MACROD2: variants seen among roughly 807,000 people sequenced by gnomAD.
MACROD2 encodes mono-ADP ribosylhydrolase 2, also known as ADP-ribose glycohydrolase MACROD2.
MACROD2 carries 36 observed loss-of-function variants against 70.4 expected under a neutral mutation model. The ratio of observed to expected loss-of-function variants is 0.51; its 90% CI spans 0.39 to 0.68. MACROD2 has a LOEUF of 0.68. Among genes scored for constraint, MACROD2 ranks in the 30% least tolerant of loss-of-function variants. The probability of loss-of-function intolerance (pLI) is 0.00; values close to 1 mark genes in which losing one functional copy is unlikely to be tolerated. For missense variants in MACROD2, 496 were observed against 538.4 expected (o/e 0.92, Z 0.78); for synonymous variants, 172 against 178.8 (o/e 0.96, Z 0.30).
intron 8 of MACROD2, among the ~76,000 whole-genome samples, chr20:15,585,280 C>G (rs2048582908): frequency 6.6e-6 from 1 of 151,812 alleles, no homozygotes; most frequent in Non-Finnish European, 1.5e-5. Flanking sequence ...TCACTGCAAC[C>G]TCCGCCTCCT....
chr20:14,887,454 A>C (rs1018613265), intron 5 of MACROD2, among the ~76,000 whole-genome samples: 15 of 149,002 alleles, frequency 1.0e-4, no homozygotes, highest in Non-Finnish European at 1.9e-4. Flanking sequence ...GTGCAGTGGC[A>C]TGATGTCGGC....
chr20:14,328,034 T>G (rs1351112090), intron 3 of MACROD2, among the ~76,000 whole-genome samples: 1 of 152,066 alleles, frequency 6.6e-6, no homozygotes, highest in African/African-American at 2.4e-5. Flanking sequence ...GCAAAAACTA[T>G]ACAGGTGTAG....
At chr20:14,830,695 A>G (rs1263647331) in intron 5 of MACROD2, among the ~76,000 whole-genome samples, 1 of 152,162 alleles carries the variant, frequency 6.6e-6, no homozygotes, top group Non-Finnish European at 1.5e-5. Context: ...ACTAATAGGC[A>G]GGGAATTACT....
intron 6 of MACROD2, among the ~76,000 whole-genome samples, chr20:15,273,077 A>G (rs2077359556): frequency 6.6e-6 from 1 of 152,162 alleles, no homozygotes; most frequent in African/African-American, 2.4e-5. Flanking sequence ...ATTGGATTGA[A>G]GGATACAAGG....
At position 15,870,711 on chromosome 20, in the gene MACROD2, G is replaced by C. The variant is rs77340385; in HGVS notation, c.727+7885G>C. Among the ~76,000 whole-genome samples, 1,050 of 152,168 alleles carry C rather than the reference G, an allele frequency of 6.9e-3. 7 individuals carry two copies. The highest frequency in any genetic ancestry group is 0.023 in the African/African-American group (968 of 41,526). ...CAAAACTGTGAGCCAATACATTTCT[G>C]TTCATTACGTATTACCTAGTCTGGG... On this transcript the variant is annotated intron_variant, in intron 9 of 17. Coordinates refer to ENST00000684519, the MANE Select transcript of MACROD2 (RefSeq NM_001351661.2).
chr20:15,564,816 T>C (rs1384320333), intron 8 of MACROD2, among the ~76,000 whole-genome samples: 1 of 152,212 alleles, frequency 6.6e-6, no homozygotes, highest in Non-Finnish European at 1.5e-5. Flanking sequence ...ATTTTTCCCT[T>C]GAACAATGAC....
At chr20:15,758,237 CTTT>C (rs397793806) in intron 8 of MACROD2, among the ~76,000 whole-genome samples, 7 of 122,120 alleles carry the variant, frequency 5.7e-5, no homozygotes, top group African/African-American at 6.1e-5. Context: ...TCCTGTAATT[CTTT>C]TTTTTTTTTT....
chr20:15,874,085 GC>G (rs2064629549), intron 9 of MACROD2, among the ~76,000 whole-genome samples: 1 of 41,884 alleles, frequency 2.4e-5, no homozygotes, highest in South Asian at 8.1e-4. Flanking sequence ...CCCCCAACAG[GC>G]CCCAGTGTGT....
At chr20:14,896,739 A>G (rs1426501384) in intron 5 of MACROD2, among the ~76,000 whole-genome samples, 1 of 152,180 alleles carries the variant, frequency 6.6e-6, no homozygotes, top group African/African-American at 2.4e-5. Context: ...GTGAATTGAT[A>G]CAAACTTCAT....
At chr20:15,123,396 G>A (rs891477243) in intron 5 of MACROD2, among the ~76,000 whole-genome samples, 2 of 152,120 alleles carry the variant, frequency 1.3e-5, no homozygotes, top group South Asian at 2.1e-4. Flanking sequence ...CAATACTGTG[G>A]CCACTAGCCT....
intron 5 of MACROD2, among the ~76,000 whole-genome samples, chr20:14,705,974 AT>A (rs1487141977): frequency 6.6e-6 from 1 of 151,042 alleles, no homozygotes; most frequent in African/African-American, 2.4e-5. Flanking sequence ...ATTTTGTGAT[AT>A]TTTAAAAATT....
intron 3 of MACROD2, among the ~76,000 whole-genome samples, chr20:14,474,097 TA>T (rs1287149630): frequency 3.3e-5 from 5 of 152,246 alleles, no homozygotes; most frequent in Non-Finnish European, 5.9e-5. Flanking sequence ...AGCTGGCAAA[TA>T]TTTTTTTTCC....
intron 3 of MACROD2, among the ~76,000 whole-genome samples, chr20:14,277,305 A>G (rs6042644): frequency 0.64 from 97,307 of 151,976 alleles, 32,654 homozygotes; most frequent in Non-Finnish European, 0.75. Flanking sequence ...AAAATAAGCT[A>G]GGCATGGTGG....
At chr20:14,273,804 A>G (rs2082222625) in intron 3 of MACROD2, among the ~76,000 whole-genome samples, 1 of 149,690 alleles carries the variant, frequency 6.7e-6, no homozygotes, top group Non-Finnish European at 1.5e-5. Context: ...AAAAAATGAT[A>G]AAGGGGATAT....
intron 8 of MACROD2, among the ~76,000 whole-genome samples, chr20:15,713,987 GCACACACACACACACA>G (rs3071356): frequency 3.1e-4 from 36 of 117,784 alleles, no homozygotes; most frequent in East Asian, 1.7e-3. Flanking sequence ...ACACACATAT[GCACACACACACACACA>G]CACACACACA....
At chr20:14,901,707 T>C (rs1295683867) in intron 5 of MACROD2, among the ~76,000 whole-genome samples, 1 of 152,178 alleles carries the variant, frequency 6.6e-6, no homozygotes, top group Non-Finnish European at 1.5e-5. Flanking sequence ...CATAATTATT[T>C]TGGAAGACTT....
At chr20:15,232,694 T>G (rs2076969331) in intron 6 of MACROD2, among the ~76,000 whole-genome samples, 2 of 152,068 alleles carry the variant, frequency 1.3e-5, no homozygotes, top group South Asian at 4.1e-4. Context: ...TTGATATCTA[T>G]TCTGAACACC....
chr20:16,025,961 C>T (rs1461939714), intron 15 of MACROD2, among the ~76,000 whole-genome samples: 1 of 147,524 alleles, frequency 6.8e-6, no homozygotes, highest in Non-Finnish European at 1.5e-5. Context: ...GCCTGGCCAA[C>T]ATGGTGAAAC....
At chr20:14,966,342 G>A (rs1025513467) in intron 5 of MACROD2, among the ~76,000 whole-genome samples, 3 of 152,180 alleles carry the variant, frequency 2.0e-5, no homozygotes, top group Non-Finnish European at 4.4e-5. Context: ...TTGGGAGGCT[G>A]AGGCAGGGGG....
Sources: allele counts gnomAD v4.1 joint callset (sites outside exome capture counted in the v4.1 genomes callset), GRCh38; gene constraint gnomAD v4.1.1; transcripts MANE v1.5; gene names NCBI Gene and HGNC (gene_info 2026-07-23, HGNC 2026-07-21).